The following ZNF439 variants were observed in gnomAD, a reference collection of about 807,000 sequenced individuals.
ZNF439 encodes zinc finger protein 439.
Under a neutral mutation model 47.3 loss-of-function variants are expected in ZNF439, and 40 were observed. The observed-to-expected ratio is 0.85, with a 90% CI of 0.66 to 1.10. The LOEUF (loss-of-function observed/expected upper bound fraction) is 1.10. Among genes scored for constraint, ZNF439 ranks in the 50% least tolerant of loss-of-function variants. The pLI is 0.00. For synonymous variants in ZNF439, 171 were observed against 198.8 expected (o/e 0.86, Z 1.18); for missense variants, 556 against 601.1 (o/e 0.93, Z 0.78).
At chr19:11,853,652 C>A (rs954381430) in intron 1 of ZNF439, among the ~76,000 whole-genome samples, 1 of 152,144 alleles carries the variant, frequency 6.6e-6, no homozygotes, top group Non-Finnish European at 1.5e-5. Flanking sequence ...CACTGTTTAT[C>A]ATATAGCCTT....
chr19:11,860,577 T>C (rs1452686529), intron 1 of ZNF439, among the ~76,000 whole-genome samples: 4 of 152,162 alleles, frequency 2.6e-5, no homozygotes, highest in East Asian at 3.9e-4. Flanking sequence ...TGAACCCTAC[T>C]ATACTGAACA....
chr19:11,866,240 C>T lies in ZNF439; in HGVS notation c.99C>T (p.Phe33=), dbSNP rs1347347809. ...PVAFKDVAVN[F]TQEEWALLDI... ...CTTTTAAGGATGTGGCTGTGAACTT[C>T]ACCCAGGAGGAGTGGGCTTTGCTGG... Residue 33 remains phenylalanine (F), a synonymous_variant, in exon 2 of 4, where the codon TTC becomes TTT. Transcript: ENST00000682736. 1.2e-6 allele frequency: 2 copies of T among 1,614,130 alleles called. No individual in the cohort carries two copies. Among genetic ancestry groups the T allele is most frequent in the South Asian group, 2.2e-5 (2 of 91,078 alleles).
chr19:11,866,933 A>G (rs866356677), intron 3 of ZNF439, among the ~76,000 whole-genome samples: 4 of 152,174 alleles, frequency 2.6e-5, no homozygotes, highest in Admixed American at 6.5e-5. Context: ...AGGCTGAGAC[A>G]TGAGGGACAT....
intron 1 of ZNF439, among the ~76,000 whole-genome samples, chr19:11,852,204 T>G (rs979414594): frequency 1.3e-5 from 2 of 152,164 alleles, no homozygotes; most frequent in African/African-American, 4.8e-5. Flanking sequence ...GGCAGGTGGA[T>G]GGCTTGATCT....
chr19:11,849,841 T>C (rs1431315364), intron 1 of ZNF439: 1 of 152,190 alleles, frequency 6.6e-6, no homozygotes, highest in Non-Finnish European at 1.5e-5. Flanking sequence ...CCTTAGGTCT[T>C]GTTTGTAATT....
intron 1 of ZNF439, among the ~76,000 whole-genome samples, chr19:11,863,983 G>A (rs1285162530): frequency 3.3e-5 from 5 of 151,666 alleles, no homozygotes; most frequent in Non-Finnish European, 7.4e-5. Flanking sequence ...CTTGACCTCC[G>A]GTTTTGCATT....
intron 1 of ZNF439, 114 bp downstream of exon 1, chr19:11,849,044 C>G: frequency 8.0e-7 from 1 of 1,257,014 alleles, no homozygotes; most frequent in Non-Finnish European, 1.0e-6. Flanking sequence ...CCTAGAGCTG[C>G]TCGGCCCTCG....
At chr19:11,865,015 G>A (rs531031359) in intron 1 of ZNF439, among the ~76,000 whole-genome samples, 32 of 151,946 alleles carry the variant, frequency 2.1e-4, no homozygotes, top group Non-Finnish European at 4.3e-4. Context: ...CCCAACCTCA[G>A]GTGATCTGCC....
Position 11,866,529 on chromosome 19 carries a change from T to C in ZNF439, c.191-8T>C, listed in dbSNP as rs1171970694. 1 of 1,612,724 alleles carries C rather than the reference T, an allele frequency of 6.2e-7. No individual in the cohort carries two copies. Among genetic ancestry groups the C allele is most frequent in the South Asian group, 1.1e-5 (1 of 90,622 alleles). On this transcript the variant is annotated splice_region_variant and splice_polypyrimidine_tract_variant and intron_variant, in intron 2 of 3. Coordinates refer to ENST00000682736, the MANE Select transcript of ZNF439 (RefSeq NM_001348719.2). ...CCTCAGGATTATTTTTCTGTGTTTG[T>C]ATTTTAGGAAAAAAGTGGAAAGACC...
At chr19:11,853,813 C>CA (rs761826088) in intron 1 of ZNF439, among the ~76,000 whole-genome samples, 1 of 152,010 alleles carries the variant, frequency 6.6e-6, no homozygotes, top group Non-Finnish European at 1.5e-5. Flanking sequence ...AGACTATGAA[C>CA]AAAAAACAGA....
In ZNF439 at chr19:11,849,013, C is replaced by T. The variant is rs2685653; in HGVS notation, c.63+83C>T. On this transcript the variant is annotated intron_variant, in intron 1 of 3. Transcript: ENST00000682736. ...ACCCGGGCCTCCCTGTGGGCGACTC[C>T]GGGGTCTGGGACCGAGTCCTCCTAG... 2.6e-3 allele frequency: 3,581 copies of T among 1,395,262 alleles called. 82 individuals carry two copies. In the African/African-American group the frequency reaches 0.047, roughly 18 times the overall value. 86.4% of individuals were successfully genotyped at this position (1,395,262 alleles called of 1,614,324 possible). A position where few individuals can be genotyped will look rare whatever the true frequency, so the allele number is the denominator to read the frequency against.
chr19:11,863,618 G>C (rs969775132), intron 1 of ZNF439, among the ~76,000 whole-genome samples: 1 of 152,148 alleles, frequency 6.6e-6, no homozygotes, highest in Non-Finnish European at 1.5e-5. Flanking sequence ...TTCCCAAACA[G>C]AGTTTTATTT....
At position 11,859,369 on chromosome 19, in the gene ZNF439, G is replaced by A. The variant is rs140377589; in HGVS notation, c.64-6836G>A. Among the ~76,000 whole-genome samples, 839 of 152,296 alleles carry A rather than the reference G, an allele frequency of 5.5e-3. 10 individuals carry two copies. Among genetic ancestry groups the A allele is most frequent in the African/African-American group, 0.019 (809 of 41,556 alleles). On this transcript the variant is annotated intron_variant, in intron 1 of 3. Transcript: ENST00000682736. The stretch of plus-strand genomic sequence containing the variant: ...TCTGAATAAGGGCCATTACCCAACA[G>A]CATATCCTCTGTAATGTCTCTATGT...
chr19:11,868,502 T>C lies in ZNF439; in HGVS notation c.1448T>C (p.Val483Ala). ...CKKCGKAFRYVQNFRFHERTQ... is the reference protein window; with the variant it reads ...CKKCGKAFRYAQNFRFHERTQ... ...AAATGTGGGAAAGCCTTCAGATATGTCCAGAACTTTCGATTTCATGAAAGG... is the reference window on the plus strand; with the variant it reads ...AAATGTGGGAAAGCCTTCAGATATGCCCAGAACTTTCGATTTCATGAAAGG... The change falls in exon 4 of 4, where the codon GTC becomes GCC. Residue 483 changes from valine to alanine, a missense_variant. Val to Ala is a moderately conservative substitution (Grantham distance 64). Transcript: ENST00000682736. 1 of 1,612,068 alleles carries C rather than the reference T, an allele frequency of 6.2e-7. No individual in the cohort carries two copies. Among genetic ancestry groups the C allele is most frequent in the Non-Finnish European group, 8.5e-7 (1 of 1,179,388 alleles).
chr19:11,867,275 C>G, intron 3 of ZNF439, 31 bp from the exon 4 acceptor site: 1 of 1,586,718 alleles, frequency 6.3e-7, no homozygotes, highest in Non-Finnish European at 8.5e-7. Flanking sequence ...TATAAACAAA[C>G]TCTTCATAAT....
At chr19:11,849,698 G>C (rs886916452) in intron 1 of ZNF439, 3 of 152,192 alleles carry the variant, frequency 2.0e-5, no homozygotes, top group African/African-American at 4.8e-5. Flanking sequence ...TCTAAAGTTT[G>C]GAGGAGGTAG....
At chr19:11,851,608 T>C (rs1333163008) in intron 1 of ZNF439, among the ~76,000 whole-genome samples, 1 of 152,080 alleles carries the variant, frequency 6.6e-6, no homozygotes. Context: ...GGCAAATAAA[T>C]ATAATAGGAT....
chr19:11,868,111 C>T lies in ZNF439; in HGVS notation c.1057C>T (p.His353Tyr), dbSNP rs547603309. ...AAGTTTTCAAACACACATAAGAATG[C>T]ACTCTGGAGAAAGACCTTATGAATG... ...LTSFQTHIRM[H>Y]SGERPYECKT... The change falls in exon 4 of 4, where the codon CAC (histidine) becomes TAC (tyrosine). Residue 353 changes from histidine to tyrosine, a missense_variant. By Grantham distance (83) the His-to-Tyr change is moderately conservative. Coordinates refer to ENST00000682736, the MANE Select transcript of ZNF439 (RefSeq NM_001348719.2). 2.0e-5 allele frequency: 32 copies of T among 1,614,180 alleles called. 1 individual carries two copies. The South Asian group carries it at 3.3e-4, about 17-fold the overall frequency.
chr19:11,860,766 G>T (rs971786909), intron 1 of ZNF439, among the ~76,000 whole-genome samples: 2 of 152,072 alleles, frequency 1.3e-5, no homozygotes, highest in African/African-American at 4.8e-5. Flanking sequence ...GAGCAGGCCT[G>T]CATGACTGCA....
Sources: allele counts gnomAD v4.1 joint callset (sites outside exome capture counted in the v4.1 genomes callset), GRCh38; gene constraint gnomAD v4.1.1; transcripts MANE v1.5; gene names NCBI Gene and HGNC (gene_info 2026-07-23, HGNC 2026-07-21).